The following RAP1GAP2 variants were observed in gnomAD, a reference collection of about 807,000 sequenced individuals.
The protein encoded by RAP1GAP2 is RAP1 GTPase activating protein 2, also known as rap1 GTPase-activating protein 2.
Under a neutral mutation model 95.0 loss-of-function variants are expected in RAP1GAP2, and 27 were observed. The observed-to-expected ratio is 0.28, with a 90% CI of 0.21 to 0.39. The LOEUF (loss-of-function observed/expected upper bound fraction) is 0.39. RAP1GAP2 is among the 10% of genes least tolerant of loss of function. The pLI, the probability that RAP1GAP2 is intolerant of heterozygous loss-of-function variation, is 1.00. For missense variants in RAP1GAP2, 771 were observed against 970.0 expected (o/e 0.79, Z 2.72); for synonymous variants, 373 against 380.9 (o/e 0.98, Z 0.24).
chr17:2,866,242 G>T lies in RAP1GAP2; in HGVS notation c.81-39042G>T, dbSNP rs572687076. 6.6e-6 allele frequency among the ~76,000 whole-genome samples: 1 copy of T among 152,344 alleles called. No homozygotes were observed. The highest frequency in any genetic ancestry group is 1.9e-4 in the East Asian group (1 of 5,182). ...GGCCAAGATAAAAAAACAGGGGCCCGCTCAGATCCCACCTTGGCTGTGGTG... is the reference window on the plus strand; with the variant it reads ...GGCCAAGATAAAAAAACAGGGGCCCTCTCAGATCCCACCTTGGCTGTGGTG... On this transcript the variant is annotated intron_variant, in intron 2 of 24. Coordinates refer to ENST00000254695, the MANE Select transcript of RAP1GAP2 (RefSeq NM_015085.5). The surrounding 1 kb of genome is among the most constrained non-coding windows in gnomAD (Gnocchi z 4.0).
chr17:2,921,315 C>A (rs1174720611), intron 3 of RAP1GAP2, among the ~76,000 whole-genome samples: 1 of 152,110 alleles, frequency 6.6e-6, no homozygotes, highest in Non-Finnish European at 1.5e-5. Context: ...ATTCTCCTGC[C>A]TCAGCCTCCC....
At chr17:2,984,104 G>A (rs751661924) in intron 10 of RAP1GAP2, among the ~76,000 whole-genome samples, 7 of 152,170 alleles carry the variant, frequency 4.6e-5, no homozygotes, top group Non-Finnish European at 7.3e-5. Context: ...TAACCTCAGC[G>A]CTTTGGGAGG....
In RAP1GAP2 at chr17:2,905,991, C is replaced by T. The variant is rs1567763621; in HGVS notation, c.165+623C>T. ...CTTCCCCCATCACTTTTCAGTCCGA[C>T]GCCTCGGCAGGATGGCCACACAGGC... On this transcript the variant is annotated intron_variant, in intron 3 of 24. Transcript: ENST00000254695. 2.0e-5 allele frequency among the ~76,000 whole-genome samples: 3 copies of T among 152,330 alleles called. No individual in the cohort carries two copies. In the South Asian group the frequency reaches 6.2e-4, roughly 32 times the overall value.
chr17:2,762,570 GT>G (rs562462151), intron 1 of RAP1GAP2, among the ~76,000 whole-genome samples: 5 of 140,074 alleles, frequency 3.6e-5, no homozygotes, highest in Non-Finnish European at 1.6e-5. Flanking sequence ...GCTAATTTTT[GT>G]TTTTTTTTTG....
At position 2,999,781 on chromosome 17, in the gene RAP1GAP2, T is replaced by TAA. The variant is rs527596504; in HGVS notation, c.1200+1419_1200+1420dup. 2.7e-3 allele frequency among the ~76,000 whole-genome samples: 348 copies of TAA among 126,694 alleles called. 1 individual carries two copies. The highest frequency in any genetic ancestry group is 8.5e-3 in the African/African-American group (310 of 36,644). The allele number at this position is 126,694 out of a possible 152,430, so 83.1% of individuals were successfully genotyped here. A position where few individuals can be genotyped will look rare whatever the true frequency, so the allele number is the denominator to read the frequency against. On this transcript the variant is annotated intron_variant, in intron 14 of 24. Coordinates refer to ENST00000254695, the MANE Select transcript of RAP1GAP2 (RefSeq NM_015085.5). ...GGGCAACATAGCGAGACCCTGTCTC[T>TAA]AAAAAAAAAAAAAAACAGAACAAAA...
upstream of RAP1GAP2, among the ~76,000 whole-genome samples, chr17:2,774,479 CGT>C (rs1491101817): frequency 4.1e-5 from 4 of 97,998 alleles, no homozygotes; most frequent in Admixed American, 1.6e-4. Flanking sequence ...CCCCTGCTAT[CGT>C]TTTTTTTTTT....
chr17:2,788,601 C>T (rs2068846959), intron 1 of RAP1GAP2, among the ~76,000 whole-genome samples: 1 of 152,166 alleles, frequency 6.6e-6, no homozygotes, highest in South Asian at 2.1e-4. Flanking sequence ...TGAGCCACTG[C>T]ACCCCATCAG....
intron 2 of RAP1GAP2, among the ~76,000 whole-genome samples, chr17:2,852,118 G>T (rs905670054): frequency 3.3e-5 from 5 of 152,156 alleles, no homozygotes; most frequent in African/African-American, 1.2e-4. Context: ...GAGAAGCTCT[G>T]GGTTGCATGC....
chr17:2,951,232 G>A (rs146749006), intron 3 of RAP1GAP2, among the ~76,000 whole-genome samples: 134 of 152,306 alleles, frequency 8.8e-4, no homozygotes, highest in African/African-American at 3.0e-3. Flanking sequence ...ACTGTGTGCC[G>A]AGCTGCTTCT....
intron 19 of RAP1GAP2, among the ~76,000 whole-genome samples, chr17:3,021,933 G>A (rs1444025289): frequency 1.3e-5 from 2 of 152,226 alleles, no homozygotes; most frequent in Admixed American, 1.3e-4. Context: ...TGTGAGTAGT[G>A]CTGCAATAAA....
chr17:2,897,026 G>T (rs1308507239), intron 2 of RAP1GAP2, among the ~76,000 whole-genome samples: 1 of 152,188 alleles, frequency 6.6e-6, no homozygotes, highest in Non-Finnish European at 1.5e-5. Context: ...CTCACTTGAG[G>T]GCCTTGGCAC....
At chr17:2,895,035 C>A (rs1309403802) in intron 2 of RAP1GAP2, among the ~76,000 whole-genome samples, 1 of 152,214 alleles carries the variant, frequency 6.6e-6, no homozygotes, top group Non-Finnish European at 1.5e-5. Flanking sequence ...CCGCACAGCG[C>A]CGGCACTGTT....
In RAP1GAP2 at chr17:3,003,910, T is replaced by G. The variant is rs9914364; in HGVS notation, c.1201-1459T>G. On this transcript the variant is annotated intron_variant, in intron 14 of 24. Coordinates refer to ENST00000254695, the MANE Select transcript of RAP1GAP2 (RefSeq NM_015085.5). The surrounding 1 kb of genome is among the most constrained non-coding windows in gnomAD (Gnocchi z 4.1). ...CTCCGTGTGGCCCACAGGGCTCTGCTGTGGGACTGTCCAGCTGGAGGGTTG... is the reference window on the plus strand; with the variant it reads ...CTCCGTGTGGCCCACAGGGCTCTGCGGTGGGACTGTCCAGCTGGAGGGTTG... 0.1 allele frequency among the ~76,000 whole-genome samples: 15,592 copies of G among 152,166 alleles called. 915 individuals carry two copies. The highest frequency in any genetic ancestry group is 0.29 in the East Asian group (1,464 of 5,128).
chr17:2,927,404 T>C (rs113383124), intron 3 of RAP1GAP2, among the ~76,000 whole-genome samples: 10,955 of 151,672 alleles, frequency 0.072, 732 homozygotes, highest in African/African-American at 0.17. Context: ...CCGCCCGCCT[T>C]GGCCTCCCAA....
At chr17:2,928,734 C>A (rs907328339) in intron 3 of RAP1GAP2, among the ~76,000 whole-genome samples, 4 of 152,122 alleles carry the variant, frequency 2.6e-5, no homozygotes, top group African/African-American at 7.2e-5. Context: ...ATTCTCCTCG[C>A]TTGATGCGTG....
intron 17 of RAP1GAP2, among the ~76,000 whole-genome samples, chr17:3,013,778 G>A (rs375036446): frequency 3.6e-4 from 55 of 151,790 alleles, no homozygotes; most frequent in African/African-American, 1.3e-3. Context: ...CAGGGTTCTG[G>A]GTTTGGATCC....
intron 2 of RAP1GAP2, among the ~76,000 whole-genome samples, chr17:2,881,274 A>AG (rs1051863554): frequency 2.0e-5 from 3 of 151,710 alleles, no homozygotes; most frequent in Admixed American, 6.6e-5. Flanking sequence ...AAAAAAAAAA[A>AG]GAAAAAATGT....
intron 20 of RAP1GAP2, 90 bp downstream of exon 20, chr17:3,026,211 C>T: frequency 7.6e-7 from 1 of 1,310,270 alleles, no homozygotes. Context: ...GAGTGGCCAT[C>T]TCCTGCCTCT....
chr17:3,026,208 C>T (rs2047109802), intron 20 of RAP1GAP2, 87 bp downstream of exon 20: 2 of 1,312,252 alleles, frequency 1.5e-6, no homozygotes, highest in African/African-American at 1.5e-5. Context: ...TGAGAGTGGC[C>T]ATCTCCTGCC....
Sources: allele counts gnomAD v4.1 joint callset (sites outside exome capture counted in the v4.1 genomes callset), GRCh38; gene constraint gnomAD v4.1.1; non-coding constraint Gnocchi (gnomAD v3.1); transcripts MANE v1.5; gene names NCBI Gene and HGNC (gene_info 2026-07-23, HGNC 2026-07-21).